GRID1: variants seen among roughly 807,000 people sequenced by gnomAD.
GRID1 encodes glutamate ionotropic receptor delta type subunit 1.
Under a neutral mutation model 98.0 loss-of-function variants are expected in GRID1, and 28 were observed. The ratio of observed to expected loss-of-function variants is 0.29; its 90% CI spans 0.21 to 0.39. The LOEUF is 0.39. Among genes scored for constraint, GRID1 ranks in the 10% least tolerant of loss-of-function variants. The pLI is 1.00. For synonymous variants in GRID1, 553 were observed against 538.5 expected (o/e 1.03, Z -0.37); for missense variants, 1,111 against 1,340.5 (o/e 0.83, Z 2.67).
At chr10:86,246,962 C>T (rs1564717851) in intron 2 of GRID1, among the ~76,000 whole-genome samples, 1 of 152,398 alleles carries the variant, frequency 6.6e-6, no homozygotes, top group East Asian at 1.9e-4. Flanking sequence ...ATAAGAATGA[C>T]TGATGTCTCC....
chr10:86,052,595 A>G (rs957206415), intron 4 of GRID1: 1 of 152,128 alleles, frequency 6.6e-6, no homozygotes, highest in Non-Finnish European at 1.5e-5. Flanking sequence ...ATAGATACAT[A>G]TGTTTAAAAA....
intron 4 of GRID1, among the ~76,000 whole-genome samples, chr10:86,043,870 G>A (rs927734415): frequency 6.6e-6 from 1 of 152,116 alleles, no homozygotes; most frequent in Non-Finnish European, 1.5e-5. Flanking sequence ...TTATCCCCAA[G>A]CGATATGAGC....
chr10:86,323,467 A>G (rs1847998541), intron 2 of GRID1, among the ~76,000 whole-genome samples: 1 of 152,222 alleles, frequency 6.6e-6, no homozygotes, highest in Non-Finnish European at 1.5e-5. Flanking sequence ...AATGGCATAA[A>G]CCTTAAATTC....
At chr10:85,942,911 G>A (rs1589307670) in intron 4 of GRID1, among the ~76,000 whole-genome samples, 2 of 152,204 alleles carry the variant, frequency 1.3e-5, no homozygotes, top group East Asian at 3.8e-4. Flanking sequence ...TAGTATGACA[G>A]TAGAAGCATA....
At chr10:85,985,341 A>C (rs1326475078) in intron 4 of GRID1, among the ~76,000 whole-genome samples, 3 of 152,182 alleles carry the variant, frequency 2.0e-5, no homozygotes, top group African/African-American at 7.2e-5. Context: ...TTTCTGCCAT[A>C]AAACTCTATT....
chr10:85,985,357 A>G (rs77840832), intron 4 of GRID1, among the ~76,000 whole-genome samples: 3,060 of 152,268 alleles, frequency 0.02, 58 homozygotes, highest in African/African-American at 0.046. Context: ...CTATTTCCTG[A>G]TGCAAAGATC....
At chr10:85,856,637 G>A (rs1373396304) in intron 6 of GRID1, among the ~76,000 whole-genome samples, 1 of 152,220 alleles carries the variant, frequency 6.6e-6, no homozygotes, top group Non-Finnish European at 1.5e-5. Context: ...TTTTTGTAAA[G>A]GACCAGCTCA....
At chr10:85,701,774 G>A (rs868009238) in intron 12 of GRID1, among the ~76,000 whole-genome samples, 2 of 152,242 alleles carry the variant, frequency 1.3e-5, no homozygotes, top group Middle Eastern at 3.4e-3. Context: ...TGAGAGCTAA[G>A]CTATGAGGAG....
At chr10:86,351,408 G>C (rs1285683748) in intron 2 of GRID1, among the ~76,000 whole-genome samples, 1 of 152,236 alleles carries the variant, frequency 6.6e-6, no homozygotes, top group Non-Finnish European at 1.5e-5. Context: ...GGTGGGCTGA[G>C]GGATCAATGG....
intron 4 of GRID1, among the ~76,000 whole-genome samples, chr10:85,954,863 C>T (rs1842169495): frequency 6.6e-6 from 1 of 152,150 alleles, no homozygotes; most frequent in African/African-American, 2.4e-5. Flanking sequence ...TAGTTCAGTT[C>T]CCCACGGTGT....
At chr10:86,353,866 A>T (rs910780623) in intron 2 of GRID1, among the ~76,000 whole-genome samples, 1 of 152,226 alleles carries the variant, frequency 6.6e-6, no homozygotes, top group Non-Finnish European at 1.5e-5. Flanking sequence ...GGAAGGAGTT[A>T]GGAGCCCTAG....
chr10:85,913,171 G>C (rs1041468043), intron 5 of GRID1, among the ~76,000 whole-genome samples: 2 of 152,172 alleles, frequency 1.3e-5, no homozygotes, highest in African/African-American at 4.8e-5. Flanking sequence ...GCCAGCCCAA[G>C]AGTATTCCCC....
intron 8 of GRID1, among the ~76,000 whole-genome samples, chr10:85,835,786 T>C (rs1006716541): frequency 6.6e-6 from 1 of 152,102 alleles, no homozygotes; most frequent in Non-Finnish European, 1.5e-5. Flanking sequence ...TCCTAAACAA[T>C]AAAGAGACTT....
intron 2 of GRID1, among the ~76,000 whole-genome samples, chr10:86,281,293 C>A (rs187821904): frequency 2.9e-3 from 444 of 152,316 alleles, no homozygotes; most frequent in Non-Finnish European, 2.9e-3. Flanking sequence ...TCCTGCCTGA[C>A]GCTGAGCTGC....
chr10:85,894,680 G>A (rs905466099), intron 5 of GRID1, among the ~76,000 whole-genome samples: 2 of 152,050 alleles, frequency 1.3e-5, no homozygotes, highest in Non-Finnish European at 2.9e-5. Context: ...ATTGGAATCA[G>A]ACTACTTTTG....
intron 12 of GRID1, among the ~76,000 whole-genome samples, chr10:85,673,606 G>T (rs1259953295): frequency 1.3e-5 from 2 of 152,194 alleles, no homozygotes; most frequent in African/African-American, 4.8e-5. Flanking sequence ...ACTCACTGAA[G>T]GCTCAGGTGG....
chr10:86,075,775 A>C (rs1392448706), intron 4 of GRID1, among the ~76,000 whole-genome samples: 1 of 152,210 alleles, frequency 6.6e-6, no homozygotes, highest in Non-Finnish European at 1.5e-5. Context: ...CTCTGCTCAT[A>C]GGCAAACAGA....
At chr10:86,097,148 T>A (rs1844232596) in intron 4 of GRID1, among the ~76,000 whole-genome samples, 1 of 152,220 alleles carries the variant, frequency 6.6e-6, no homozygotes, top group Non-Finnish European at 1.5e-5. Flanking sequence ...ACCTTCAGAC[T>A]TGGACTGAGC....
intron 5 of GRID1, among the ~76,000 whole-genome samples, chr10:85,898,299 C>T (rs1841324136): frequency 6.6e-6 from 1 of 152,152 alleles, no homozygotes; most frequent in Non-Finnish European, 1.5e-5. Context: ...CAGGAAGTTG[C>T]TCTGGGTGAG....
Sources: allele counts gnomAD v4.1 joint callset (sites outside exome capture counted in the v4.1 genomes callset), GRCh38; gene constraint gnomAD v4.1.1; transcripts MANE v1.5; gene names NCBI Gene and HGNC (gene_info 2026-07-23, HGNC 2026-07-21).